The following SMC3 variants were observed in gnomAD, a reference collection of about 807,000 sequenced individuals.
The protein encoded by SMC3 is structural maintenance of chromosomes protein 3.
A neutral mutation model predicts 171.8 loss-of-function variants in SMC3; 20 were observed. The observed-to-expected ratio is 0.12, with a 90% confidence interval of 0.08 to 0.17. SMC3 has a LOEUF of 0.17. Ranked by LOEUF, SMC3 falls within the 10% of genes least tolerant of loss-of-function variation. SMC3 has a pLI of 1.00. For missense variants in SMC3, 543 were observed against 1,420.4 expected (o/e 0.38, Z 9.93); for synonymous variants, 464 against 451.1 (o/e 1.03, Z -0.36).
Position 110,591,096 on chromosome 10 carries a change from G to A in SMC3, c.1776G>A (p.Lys592=), listed in dbSNP as rs758688456. ...PGEVTFLPLN[K]LDVRDTAYPE... ...AGGTTACTTTTCTGCCTCTTAACAA[G>A]TTAGATGTCAGGGATACAGCCTATC... Residue 592 remains lysine (K), a synonymous_variant, in exon 17 of 29, where the codon AAG becomes AAA. Coordinates refer to ENST00000361804, the MANE Select transcript of SMC3 (RefSeq NM_005445.4). The A allele has an allele frequency of 6.2e-7, 1 of 1,613,960 alleles. No homozygotes were observed. The highest frequency in any genetic ancestry group is 1.1e-5 in the South Asian group (1 of 91,080).
intron 28 of SMC3, 114 bp downstream of exon 28, chr10:110,603,404 G>C (rs1199605728): frequency 1.4e-6 from 1 of 710,742 alleles, no homozygotes; most frequent in African/African-American, 1.8e-5. Flanking sequence ...TTGCTTATCT[G>C]ATGTCTTTGT....
rs750728675 is a variant in SMC3 at position 110,602,691 on chromosome 10, C to T, written c.3297+26C>T. The T allele has an allele frequency of 1.9e-6, 3 of 1,595,392 alleles. No individual in the cohort carries two copies. The African/African-American group carries it at 4.0e-5, about 21-fold the overall frequency. ...GTAAAATACCTTTATATTCCATTTT[C>T]CTCAGAGCATTACCATAATAGAATT... On this transcript the variant is annotated intron_variant, in intron 26 of 28. Coordinates refer to ENST00000361804, the MANE Select transcript of SMC3 (RefSeq NM_005445.4).
At chr10:110,578,372 G>A (rs1049559889) in intron 6 of SMC3, among the ~76,000 whole-genome samples, 1 of 152,188 alleles carries the variant, frequency 6.6e-6, no homozygotes, top group African/African-American at 2.4e-5. Context: ...CGCCCAGCCC[G>A]CAATTTTATG....
intron 28 of SMC3, 52 bp from the exon 29 acceptor site, chr10:110,604,179 T>G: frequency 9.2e-7 from 1 of 1,084,022 alleles, no homozygotes; most frequent in East Asian, 2.4e-5. Context: ...CCCTATACAA[T>G]GTAAACACTG....
intron 2 of SMC3, among the ~76,000 whole-genome samples, chr10:110,573,402 AATATG>A (rs1453762687): frequency 2.0e-5 from 3 of 148,916 alleles, no homozygotes; most frequent in African/African-American, 7.3e-5. Flanking sequence ...TATCCATTGT[AATATG>A]ATATAAGAGC....
At position 110,590,983 on chromosome 10, in the gene SMC3, A is replaced by G. The variant is rs1362327077; in HGVS notation, c.1671-8A>G. ...AATAAAGATTTGTCTTACTCTGTTT[A>G]TATTTAGGTTATTTTATCACATTGT... is the stretch of plus-strand genomic sequence containing the variant. On this transcript the variant is annotated splice_polypyrimidine_tract_variant and splice_region_variant and intron_variant, in intron 16 of 28. Coordinates refer to ENST00000361804, the MANE Select transcript of SMC3 (RefSeq NM_005445.4). The G allele has an allele frequency of 5.0e-6, 8 of 1,612,000 alleles. No homozygotes were observed. Among genetic ancestry groups the G allele is most frequent in the South Asian group, 1.1e-5 (1 of 91,018 alleles).
chr10:110,571,673 G>A (rs1463945363), intron 2 of SMC3, among the ~76,000 whole-genome samples: 4 of 152,200 alleles, frequency 2.6e-5, no homozygotes, highest in African/African-American at 9.7e-5. Flanking sequence ...TTGATTGGCA[G>A]CCAAGGCCTG....
At chr10:110,578,040 C>A in intron 6 of SMC3, 126 bp downstream of exon 6, 1 of 697,716 alleles carries the variant, frequency 1.4e-6, no homozygotes, top group Non-Finnish European at 2.5e-6. Flanking sequence ...TCCTAAAGTG[C>A]TAGGATTACA....
intron 4 of SMC3, among the ~76,000 whole-genome samples, chr10:110,576,197 T>C (rs1273256950): frequency 6.6e-6 from 1 of 152,220 alleles, no homozygotes; most frequent in Non-Finnish European, 1.5e-5. Context: ...TATTGAATAC[T>C]ATGCTGAAAG....
At chr10:110,598,027 A>T in intron 19 of SMC3, 112 bp from the exon 20 acceptor site, 2 of 961,182 alleles carry the variant, frequency 2.1e-6, no homozygotes, top group Non-Finnish European at 3.2e-6. Context: ...GAGGACATAA[A>T]TGTTATTTGG....
At chr10:110,578,571 T>C (rs1239762337) in intron 6 of SMC3, 57 bp from the exon 7 acceptor site, 1 of 1,301,802 alleles carries the variant, frequency 7.7e-7, no homozygotes, top group African/African-American at 1.5e-5. Flanking sequence ...CTCTACTCAT[T>C]GCTTAATGGT....
In SMC3 at chr10:110,602,207, C is replaced by T. The variant is rs376082090; in HGVS notation, c.3105+29C>T. Reference sequence around the variant, plus strand: ...TGTTTCGCTTTGTAGTTAAAACATACACACAGAGGACAAAAGCTTCCAGCT... The same window carrying T: ...TGTTTCGCTTTGTAGTTAAAACATATACACAGAGGACAAAAGCTTCCAGCT... On this transcript the variant is annotated intron_variant, in intron 25 of 28. Coordinates refer to ENST00000361804, the MANE Select transcript of SMC3 (RefSeq NM_005445.4). 3.8e-6 allele frequency: 6 copies of T among 1,559,574 alleles called. No individual in the cohort carries two copies. In the African/African-American group the frequency reaches 6.8e-5, roughly 18 times the overall value.
chr10:110,587,236 A>G (rs868563500), intron 13 of SMC3, among the ~76,000 whole-genome samples: 2 of 152,214 alleles, frequency 1.3e-5, no homozygotes, highest in African/African-American at 4.8e-5. Flanking sequence ...CCAGGTTGTA[A>G]TGCATTTAAT....
At chr10:110,602,686 A>C in intron 26 of SMC3, 21 bp downstream of exon 26, 1 of 1,603,022 alleles carries the variant, frequency 6.2e-7, no homozygotes, top group Non-Finnish European at 8.5e-7. Context: ...TTTATATTCC[A>C]TTTTCCTCAG....
chr10:110,569,437 A>C (rs1000672822), intron 2 of SMC3, among the ~76,000 whole-genome samples: 3 of 152,122 alleles, frequency 2.0e-5, no homozygotes, highest in African/African-American at 7.2e-5. Flanking sequence ...TTGGAAGAGC[A>C]TAAACTTTGG....
At position 110,604,563 on chromosome 10, in the gene SMC3, T is replaced by C. The variant is rs1230413186; in HGVS notation, c.*261T>C. ...AAATGTTTTGAAACATGCTAAATAT[T>C]CTTTCCTAATTATTTTATCACTTAT... On this transcript the variant is annotated 3_prime_UTR_variant, in exon 29 of 29. Coordinates refer to ENST00000361804, the MANE Select transcript of SMC3 (RefSeq NM_005445.4). The C allele has an allele frequency of 2.5e-6, 1 of 408,132 alleles. No homozygotes were observed. Among genetic ancestry groups the C allele is most frequent in the Non-Finnish European group, 4.5e-6 (1 of 223,468 alleles). 25.3% of individuals were successfully genotyped at this position (408,132 alleles called of 1,614,324 possible). A position where few individuals can be genotyped will look rare whatever the true frequency, so the allele number is the denominator to read the frequency against.
intron 11 of SMC3, 102 bp from the exon 12 acceptor site, chr10:110,583,739 A>G (rs1257604439): frequency 7.5e-7 from 1 of 1,335,654 alleles, no homozygotes; most frequent in Non-Finnish European, 1.1e-6. Flanking sequence ...TTCATGTTAC[A>G]GGTGGGTTTT....
rs199936534 is a variant in SMC3, at chr10:110,577,840, T to C, written c.276T>C (p.Asp92=). 2.5e-4 allele frequency: 395 copies of C among 1,608,784 alleles called. No individual in the cohort carries two copies. The highest frequency in any genetic ancestry group is 1.3e-4 in the Non-Finnish European group (155 of 1,175,494). ...GCTTTTACATTTTTTCTTAGATCGA[T>C]AAAGAGGAAGTTTCACTTCGAAGAG... ...FDNSDNRLPI[D]KEEVSLRRVI... Residue 92 remains aspartate, a synonymous_variant, in exon 6 of 29, where the codon GAT becomes GAC. Coordinates refer to ENST00000361804, the MANE Select transcript of SMC3 (RefSeq NM_005445.4).
At position 110,598,206 on chromosome 10, in the gene SMC3, T is replaced by C. The variant is rs1474284204; in HGVS notation, c.2184T>C (p.Phe728=). Residue 728 remains phenylalanine, a synonymous_variant, in exon 20 of 29, where the codon TTT becomes TTC. Coordinates refer to ENST00000361804, the MANE Select transcript of SMC3 (RefSeq NM_005445.4). ...MQQIETQQRK[F]KASRDSILSE... ...AGATCGAGACCCAGCAAAGGAAATTTAAAGCATCTAGAGATAGCATATTAT... is the reference window on the plus strand; with the variant it reads ...AGATCGAGACCCAGCAAAGGAAATTCAAAGCATCTAGAGATAGCATATTAT... The C allele has an allele frequency of 6.2e-7, 1 of 1,613,940 alleles. No homozygotes were observed. Among genetic ancestry groups the C allele is most frequent in the South Asian group, 1.1e-5 (1 of 91,074 alleles).
Sources: allele counts gnomAD v4.1 joint callset (sites outside exome capture counted in the v4.1 genomes callset), GRCh38; gene constraint gnomAD v4.1.1; transcripts MANE v1.5; gene names NCBI Gene and HGNC (gene_info 2026-07-23, HGNC 2026-07-21).